The following RABGEF1 variants were observed in gnomAD, a reference collection of about 807,000 sequenced individuals.
RABGEF1 encodes the protein rab5 GDP/GTP exchange factor.
A neutral mutation model predicts 57.3 loss-of-function variants in RABGEF1; 26 were observed. That is an observed-to-expected ratio of 0.45 (90% CI 0.33 to 0.63). The LOEUF is 0.63. Among genes scored for constraint, RABGEF1 ranks in the 20% least tolerant of loss-of-function variants. The probability of loss-of-function intolerance (pLI) is 0.02; values close to 1 mark genes in which losing one functional copy is unlikely to be tolerated. For synonymous variants in RABGEF1, 185 were observed against 210.7 expected (o/e 0.88, Z 1.06); for missense variants, 464 against 607.6 (o/e 0.76, Z 2.48).
At chr7:66,723,603 G>A (rs952601429) in intron 2 of RABGEF1, among the ~76,000 whole-genome samples, 8 of 150,088 alleles carry the variant, frequency 5.3e-5, no homozygotes, top group Non-Finnish European at 7.4e-5. Flanking sequence ...TTTTTGAGAC[G>A]GAGTCTCACT....
chr7:66,710,788 G>A (rs1479479012), intron 1 of RABGEF1, among the ~76,000 whole-genome samples: 2 of 152,080 alleles, frequency 1.3e-5, no homozygotes, highest in Non-Finnish European at 2.9e-5. Context: ...CTTTTGTTGG[G>A]TATATGTTCT....
At chr7:66,785,844 A>T (rs1471271723) in intron 4 of RABGEF1, among the ~76,000 whole-genome samples, 1 of 152,008 alleles carries the variant, frequency 6.6e-6, no homozygotes, top group East Asian at 1.9e-4. Flanking sequence ...ACTGCACTCC[A>T]GCCTGGATGA....
At chr7:66,786,453 G>A (rs749746845) in intron 4 of RABGEF1, among the ~76,000 whole-genome samples, 4 of 151,864 alleles carry the variant, frequency 2.6e-5, no homozygotes, top group South Asian at 2.1e-4. Context: ...TCCTGGACTG[G>A]AGCACAATAG....
intron 1 of RABGEF1, among the ~76,000 whole-genome samples, chr7:66,758,701 T>C (rs7800620): frequency 0.34 from 51,944 of 151,594 alleles, 9,266 homozygotes; most frequent in Middle Eastern, 0.5. Context: ...TCCTGCCTTC[T>C]ACCGTAACAG....
At chr7:66,797,029 C>T (rs1443319600) in intron 5 of RABGEF1, 1 of 370,062 alleles carries the variant, frequency 2.7e-6, no homozygotes, top group African/African-American at 2.2e-5. Context: ...GCCGGGCATT[C>T]TGGCTCACAC....
chr7:66,736,118 CA>C (rs1797914530), upstream of RABGEF1, among the ~76,000 whole-genome samples: 1 of 152,154 alleles, frequency 6.6e-6, no homozygotes, highest in Admixed American at 6.5e-5. Context: ...AGACAAAAAA[CA>C]AAGCCTCAGT....
intron 8 of RABGEF1, 28 bp downstream of exon 8, chr7:66,805,424 GAGA>G: frequency 6.2e-7 from 1 of 1,611,950 alleles, no homozygotes; most frequent in Non-Finnish European, 8.5e-7. Context: ...TGGTGTTGTG[GAGA>G]AGGACTAGGA....
chr7:66,803,180 A>AT (rs1562883809), intron 7 of RABGEF1, among the ~76,000 whole-genome samples: 4 of 152,250 alleles, frequency 2.6e-5, no homozygotes. Flanking sequence ...CAGTAGCCTC[A>AT]TAAGTAAGGG....
rs1393356539 is a variant in RABGEF1, at chr7:66,809,119, C to T, written c.1311C>T (p.Asp437=). Residue 437 remains aspartate, a synonymous_variant, in exon 9 of 9, where the codon GAC becomes GAT. Coordinates refer to ENST00000284957, the MANE Select transcript of RABGEF1 (RefSeq NM_014504.3). ...ATGAAGCCAAGAAACTGGAAAAAGA[C>T]CTCATAGATTGGACAGATGGAATTG... ...IMNEAKKLEK[D]LIDWTDGIAR... The T allele has an allele frequency of 5.0e-6, 8 of 1,614,166 alleles. No individual in the cohort carries two copies. Among genetic ancestry groups the T allele is most frequent in the Non-Finnish European group, 5.9e-6 (7 of 1,180,032 alleles).
intron 1 of RABGEF1, among the ~76,000 whole-genome samples, chr7:66,699,016 G>A (rs973305611): frequency 2.6e-5 from 4 of 152,206 alleles, no homozygotes; most frequent in African/African-American, 7.2e-5. Flanking sequence ...CACATGCAGC[G>A]CTGGGACCTC....
intron 1 of RABGEF1, among the ~76,000 whole-genome samples, chr7:66,745,663 G>C (rs150867731): frequency 0.09 from 13,696 of 151,918 alleles, 752 homozygotes; most frequent in Non-Finnish European, 0.11. Flanking sequence ...CAGCTACTCG[G>C]GAGTCTGAGG....
chr7:66,688,169 G>A (rs574699305), intron 1 of RABGEF1, among the ~76,000 whole-genome samples: 2 of 151,878 alleles, frequency 1.3e-5, no homozygotes, highest in South Asian at 4.2e-4. Context: ...GCCAACAATG[G>A]TTATGAGAGA....
chr7:66,675,400 A>C, the RABGEF1 span, among the ~76,000 whole-genome samples: 1 of 151,534 alleles, frequency 6.6e-6, no homozygotes, highest in Non-Finnish European at 1.5e-5. Context: ...ATCGCACTCC[A>C]GCCTGGGGGA....
chr7:66,741,670 C>T (rs548458722), intron 1 of RABGEF1, among the ~76,000 whole-genome samples: 2 of 152,246 alleles, frequency 1.3e-5, no homozygotes, highest in Admixed American at 6.5e-5. Context: ...GCTGCTTTCC[C>T]CCCTCTAAAC....
At chr7:66,699,853 AAAAAT>A (rs1417684357) in intron 1 of RABGEF1, among the ~76,000 whole-genome samples, 2 of 152,342 alleles carry the variant, frequency 1.3e-5, no homozygotes, top group African/African-American at 4.8e-5. Context: ...ACCCTGTCTC[AAAAAT>A]AAAATAAAAA....
chr7:66,728,505 A>G (rs1164396750), intron 2 of RABGEF1, among the ~76,000 whole-genome samples: 2 of 142,358 alleles, frequency 1.4e-5, no homozygotes, highest in Non-Finnish European at 3.0e-5. Context: ...ATGACCCACA[A>G]TGGCATTCCC....
chr7:66,670,107 T>C, the RABGEF1 span, among the ~76,000 whole-genome samples: 1 of 152,080 alleles, frequency 6.6e-6, no homozygotes, highest in Non-Finnish European at 1.5e-5. Context: ...TCCTATTGCA[T>C]TTGCACCAAA....
intron 1 of RABGEF1, among the ~76,000 whole-genome samples, chr7:66,698,919 C>A (rs1338368213): frequency 6.6e-6 from 1 of 152,236 alleles, no homozygotes; most frequent in Admixed American, 6.5e-5. Context: ...TGTGCTCTTT[C>A]CCCTTGGCTG....
intron 1 of RABGEF1, among the ~76,000 whole-genome samples, chr7:66,752,362 G>A (rs1801638657): frequency 6.6e-6 from 1 of 152,044 alleles, no homozygotes; most frequent in African/African-American, 2.4e-5. Context: ...AGGTATGGTG[G>A]CGGGCACCTG....
Sources: gnomAD v4.1 joint callset for allele counts (sites outside exome capture counted in the v4.1 genomes callset) on GRCh38, gnomAD v4.1.1 for gene constraint, MANE v1.5 for transcripts, NCBI Gene and HGNC (gene_info 2026-07-23, HGNC 2026-07-21) for gene names.